TTN: variants seen among roughly 807,000 people sequenced by gnomAD.
TTN encodes connectin.
In TTN, 1,525 loss-of-function variants were observed where a neutral mutation model predicts 3,223.0. The ratio of observed to expected loss-of-function variants is 0.47; its 90% CI spans 0.45 to 0.49. The LOEUF (loss-of-function observed/expected upper bound fraction) is 0.49, where lower values mean the gene tolerates loss of function less well. Ranked by LOEUF, TTN falls within the 20% of genes least tolerant of loss-of-function variation. The pLI is 0.00. For synonymous variants in TTN, 14,094 were observed against 15,161.0 expected (o/e 0.93, Z 5.17); for missense variants, 40,786 against 43,424.0 (o/e 0.94, Z 5.40).
In TTN at chr2:178,531,122, T is replaced by C. The variant is rs879156291; in HGVS notation, c.105493A>G (p.Lys35165Glu). ...GCAGAAGTACTTAGCACTTGTCCTT[T>C]ACGCAGCCAGGTCACAGTTGGTACC... ...EPVPTVTWLR[K>E]GQVLSTSARH... The change falls in exon 358 of 363, where the codon AAA becomes GAA. Residue 35165 changes from lysine to glutamate, a missense_variant. Physicochemically the swap from Lys to Glu is moderately conservative, Grantham distance 56 (BLOSUM62 1). Transcript: ENST00000589042. 1.2e-6 allele frequency: 2 copies of C among 1,613,886 alleles called. No homozygotes were observed. The highest frequency in any genetic ancestry group is 2.7e-5 in the African/African-American group (2 of 74,916).
rs756356686 is a variant in TTN at position 178,782,884 on chromosome 2, C to T, written c.3022G>A (p.Glu1008Lys). ...CTGCAAGTAAATCGCCCGCTGTCTT[C>T]CGCAAATGCTTCGCGAATCATAAGA... ...ARLMIREAFAEDSGRFTCSAV... is the reference protein window; with the variant it reads ...ARLMIREAFAKDSGRFTCSAV... Residue 1008 changes from glutamate (E) to lysine (K), a missense_variant, in exon 18 of 363, where the codon GAA (glutamate) becomes AAA (lysine). Physicochemically the swap from Glu to Lys is moderately conservative, Grantham distance 56. Transcript: ENST00000589042. 1.2e-6 allele frequency: 2 copies of T among 1,613,922 alleles called. No individual in the cohort carries two copies. Among genetic ancestry groups the T allele is most frequent in the Admixed American group, 1.7e-5 (1 of 60,000 alleles).
Position 178,599,646 on chromosome 2 carries a change from G to T in TTN, c.56255C>A (p.Pro18752Gln), listed in dbSNP as rs200132226. 1.9e-6 allele frequency: 3 copies of T among 1,612,734 alleles called. No individual in the cohort carries two copies. The highest frequency in any genetic ancestry group is 2.2e-5 in the East Asian group (1 of 44,762). The change falls in exon 289 of 363, where the codon CCG becomes CAG. Residue 18752 changes from proline to glutamine, a missense_variant. Coordinates refer to ENST00000589042, the MANE Select transcript of TTN (RefSeq NM_001267550.2). Reference sequence around the variant, plus strand: ...GCCAGTGTCACTCCTGCGAGACTGCGGAATAACTAAAGTGCAAGTATCATC... The same window carrying T: ...GCCAGTGTCACTCCTGCGAGACTGCTGAATAACTAAAGTGCAAGTATCATC... ...VVDDTCTLVI[P>Q]QSRRSDTGLY...
intron 161 of TTN, 43 bp downstream of exon 161, chr2:178,667,399 A>C: frequency 2.5e-6 from 4 of 1,578,502 alleles, no homozygotes; most frequent in Non-Finnish European, 2.6e-6. Context: ...TTGAGTCATA[A>C]AGCTAAAGAT....
In TTN at chr2:178,704,282, G is replaced by A. The variant is rs368531555; in HGVS notation, c.30088C>T (p.Pro10030Ser). Residue 10030 changes from proline to serine, a missense_variant, in exon 106 of 363, where the codon CCC becomes TCC. By Grantham distance (74) the Pro-to-Ser change is moderately conservative. Coordinates refer to ENST00000589042, the MANE Select transcript of TTN (RefSeq NM_001267550.2). Reference sequence around the variant, plus strand: ...ACTTCTGTTTTATGTCTACCTTGGGGTTTAAGGATTCTGCCATTTCTGAAC... The same window carrying A: ...ACTTCTGTTTTATGTCTACCTTGGGATTTAAGGATTCTGCCATTTCTGAAC... Reference protein sequence around the residue: ...EWFRNGRILKPQGRHKTEVEH... With the variant: ...EWFRNGRILKSQGRHKTEVEH... 3.9e-5 allele frequency: 63 copies of A among 1,613,846 alleles called. No individual in the cohort carries two copies. The highest frequency in any genetic ancestry group is 6.7e-5 in the African/African-American group (5 of 74,914).
chr2:178,529,830 G>T, intron 359 of TTN, 130 bp downstream of exon 359: 1 of 1,022,692 alleles, frequency 9.8e-7, no homozygotes, highest in Non-Finnish European at 1.4e-6. Context: ...TGTACAAATT[G>T]TATTCTGGAA....
chr2:178,646,405 A>T, intron 216 of TTN, 80 bp downstream of exon 216: 1 of 944,662 alleles, frequency 1.1e-6, no homozygotes, highest in Middle Eastern at 2.3e-4. Flanking sequence ...GACATACTAC[A>T]TATGTACAAC....
intron 150 of TTN, among the ~76,000 whole-genome samples, chr2:178,674,650 C>T (rs2067660404): frequency 6.6e-6 from 1 of 150,538 alleles, no homozygotes; most frequent in Admixed American, 6.6e-5. Flanking sequence ...TAATGAAAGA[C>T]TTGTTTGAAG....
intron 201 of TTN, 37 bp downstream of exon 201, chr2:178,652,616 G>A (rs1260435293): frequency 6.2e-7 from 1 of 1,612,152 alleles, no homozygotes; most frequent in Non-Finnish European, 8.5e-7. Flanking sequence ...GAGTAGAAGA[G>A]ATAGATCTTC....
chr2:178,706,608 GT>G lies in TTN; in HGVS notation c.29265del (p.Lys9755AsnfsTer51). On this transcript the variant is annotated frameshift_variant, in exon 102 of 363. Transcript: ENST00000589042. LOFTEE classifies it high-confidence loss of function. ...GTTTTTGTGGTGTCCCTAATCTCCA[GT>G]TTTGCTTCATCGCCTTTTTGGTGGA... ...VFIHQKGDEA[K>X]LEIRDTTKTD... 3.7e-6 allele frequency: 6 copies of G among 1,613,876 alleles called. No homozygotes were observed. The highest frequency in any genetic ancestry group is 5.1e-6 in the Non-Finnish European group (6 of 1,179,844).
At position 178,693,974 on chromosome 2, in the gene TTN, T is replaced by C; in HGVS notation, c.31461A>G (p.Ser10487=). The C allele has an allele frequency of 1.2e-6, 2 of 1,612,696 alleles. No homozygotes were observed. The highest frequency in any genetic ancestry group is 1.1e-5 in the South Asian group (1 of 90,810). ...PAVHTKKMVI[S]EEKMFFASHT... ...GAGAAGCAAAGAACATCTTTTCTTC[T>C]GAAATAACCATCTTCTTTGTATGCA... The change falls in exon 118 of 363, where the codon TCA becomes TCG. Residue 10487 remains serine, a synonymous_variant. Transcript: ENST00000589042.
rs372229450 is a variant in TTN at position 178,714,394 on chromosome 2, A to G, written c.26380T>C (p.Leu8794=). The G allele has an allele frequency of 6.2e-7, 1 of 1,613,746 alleles. No homozygotes were observed. The highest frequency in any genetic ancestry group is 1.3e-5 in the African/African-American group (1 of 75,010). ...WISYSENIAT[L]QFSRVEPANA... is the part of the protein sequence containing the mutation. The stretch of plus-strand genomic sequence containing the variant: ...GCTGGTTCCACTCTTGAAAACTGTA[A>G]GGTTGCAATGTTTTCTGAATAAGAA... Residue 8794 remains leucine, a synonymous_variant, in exon 91 of 363, where the codon TTA becomes CTA. Coordinates refer to ENST00000589042, the MANE Select transcript of TTN (RefSeq NM_001267550.2).
Position 178,771,208 on chromosome 2 carries a change from T to TG in TTN, c.8116+2dup. The TG allele has an allele frequency of 6.2e-7, 1 of 1,613,982 alleles. No individual in the cohort carries two copies. The highest frequency in any genetic ancestry group is 8.5e-7 in the Non-Finnish European group (1 of 1,179,980). On this transcript the variant is annotated splice_region_variant and intron_variant, in intron 34 of 362. Transcript: ENST00000589042. ...TGAAAAGGACAAATCCTATGTTACTTGCCTTCAACTTTGAGTTTGGCAGAT... is the reference window on the plus strand; with the variant it reads ...TGAAAAGGACAAATCCTATGTTACTTGGCCTTCAACTTTGAGTTTGGCAGAT...
chr2:178,803,212 G>A (rs1205366678), intron 2 of TTN, among the ~76,000 whole-genome samples: 2 of 152,034 alleles, frequency 1.3e-5, no homozygotes, highest in Non-Finnish European at 1.5e-5. Context: ...CTCCCACTAT[G>A]GCCAATTAAA....
rs1461138247 is a variant in TTN at position 178,706,649 on chromosome 2, C to T, written c.29225G>A (p.Gly9742Glu). The change falls in exon 102 of 363, where the codon GGA (glycine) becomes GAA (glutamate). Residue 9742 changes from glycine (G) to glutamate (E), a missense_variant. By Grantham distance (98) the Gly-to-Glu change is moderately conservative. Transcript: ENST00000589042. ...TTTTTGGTGGATGAAAACACGACCT[C>T]CTTGGTTCAGCTGTCTCCACTTCCC... Reference protein sequence around the residue: ...TKGKWRQLNQGGRVFIHQKGD... With the variant: ...TKGKWRQLNQEGRVFIHQKGD... 1.2e-6 allele frequency: 2 copies of T among 1,613,782 alleles called. No homozygotes were observed. The highest frequency in any genetic ancestry group is 1.3e-5 in the African/African-American group (1 of 74,908).
intron 111 of TTN, 99 bp downstream of exon 111, chr2:178,701,021 C>T: frequency 3.9e-6 from 4 of 1,026,212 alleles, no homozygotes. Context: ...AATTCCACCT[C>T]TTGACCACTA....
rs778747498 is a variant in TTN at position 178,553,555 on chromosome 2, C to T, written c.89450G>A (p.Gly29817Glu). ...YFRVSAVNCA[G>E]QGEPIEMNEP... ...ATTCATTTCTATAGGTTCTCCTTGT[C>T]CAGCACAGTTTACAGCAGATACCCG... Residue 29817 changes from glycine (G) to glutamate (E), a missense_variant, in exon 334 of 363, where the codon GGA (glycine) becomes GAA (glutamate). Physicochemically the swap from Gly to Glu is moderately conservative, Grantham distance 98. Transcript: ENST00000589042. The T allele has an allele frequency of 1.2e-6, 2 of 1,613,844 alleles. No individual in the cohort carries two copies. Among genetic ancestry groups the T allele is most frequent in the East Asian group, 2.2e-5 (1 of 44,874 alleles).
rs2076902846 is a variant in TTN at position 178,713,103 on chromosome 2, C to CACT, written c.27028_27030dup (p.Ser9010dup). On this transcript the variant is annotated inframe_insertion, in exon 93 of 363. Coordinates refer to ENST00000589042, the MANE Select transcript of TTN (RefSeq NM_001267550.2). ...AACTGACCTCTCACAGTCAAAGGAG[C>CACT]ACTACATTCATCAGAACCAGCCATA... The CACT allele has an allele frequency of 1.9e-6, 3 of 1,613,454 alleles. No individual in the cohort carries two copies. Among genetic ancestry groups the CACT allele is most frequent in the Non-Finnish European group, 2.5e-6 (3 of 1,179,538 alleles).
chr2:178,636,573 G>A lies in TTN; in HGVS notation c.41154C>T (p.Thr13718=). The A allele has an allele frequency of 6.2e-7, 1 of 1,613,444 alleles. No homozygotes were observed. Among genetic ancestry groups the A allele is most frequent in the Non-Finnish European group, 8.5e-7 (1 of 1,179,586 alleles). Residue 13718 remains threonine (T), a synonymous_variant, in exon 225 of 363, where the codon ACC becomes ACT. Coordinates refer to ENST00000589042, the MANE Select transcript of TTN (RefSeq NM_001267550.2). The surrounding 1 kb of genome is among the most constrained non-coding windows in gnomAD (Gnocchi z 4.3). ...GGATATTGCTACCGTCTTTCATCCA[G>A]GTTGTAATTGCAGTGGAAGGGGAGA... is the stretch of plus-strand genomic sequence containing the variant. ...CLVSPSTAIT[T]WMKDGSNIRE...
rs2079621657 is a variant in TTN at position 178,727,818 on chromosome 2, G to C, written c.19760C>G (p.Pro6587Arg). Residue 6587 changes from proline to arginine, a missense_variant, in exon 68 of 363, where the codon CCT becomes CGT. Pro to Arg is a moderately radical substitution (Grantham distance 103). Coordinates refer to ENST00000589042, the MANE Select transcript of TTN (RefSeq NM_001267550.2). ...LVKPGRQQAI[P>R]DSTVEFKAIL... is the part of the protein sequence containing the mutation. Reference sequence around the variant, plus strand: ...TGCCTTAAATTCCACTGTAGAATCAGGTATGGCTTGCTGTCGCCCAGGTTT... The same window carrying C: ...TGCCTTAAATTCCACTGTAGAATCACGTATGGCTTGCTGTCGCCCAGGTTT... The C allele has an allele frequency of 6.2e-7, 1 of 1,608,340 alleles. No individual in the cohort carries two copies. The highest frequency in any genetic ancestry group is 1.1e-5 in the South Asian group (1 of 89,764).
Sources: gnomAD v4.1 joint callset for allele counts (sites outside exome capture counted in the v4.1 genomes callset) on GRCh38, gnomAD v4.1.1 for gene constraint, Gnocchi (gnomAD v3.1) non-coding constraint, MANE v1.5 for transcripts, NCBI Gene and HGNC (gene_info 2026-07-23, HGNC 2026-07-21) for gene names.